AGBL1: variants seen among roughly 807,000 people sequenced by gnomAD.
AGBL1 encodes AGBL carboxypeptidase 1.
A neutral mutation model predicts 118.9 loss-of-function variants in AGBL1; 130 were observed. The observed-to-expected ratio is 1.09, with a 90% CI of 0.95 to 1.26. The LOEUF (loss-of-function observed/expected upper bound fraction) is 1.26, where lower values mean the gene tolerates loss of function less well. AGBL1 is among the 50% of genes most tolerant of loss of function. The pLI is 0.00. For missense variants in AGBL1, 1,584 were observed against 1,298.1 expected, an observed-to-expected ratio of 1.22 and a Z score of -3.38; for synonymous variants, 555 against 478.9, an observed-to-expected ratio of 1.16 and a Z score of -2.08.
chr15:86,617,401 G>C (rs916470962), intron 21 of AGBL1, among the ~76,000 whole-genome samples: 8 of 152,138 alleles, frequency 5.3e-5, no homozygotes, highest in African/African-American at 1.9e-4. Flanking sequence ...GAGAAATGAT[G>C]CCTCTGACTA....
chr15:86,090,632 C>T lies in AGBL1; in HGVS notation c.51+10609C>T, dbSNP rs118173370. 1.6e-3 allele frequency among the ~76,000 whole-genome samples: 238 copies of T among 152,208 alleles called. 2 individuals are homozygous for T. The highest frequency in any genetic ancestry group is 0.011 in the Admixed American group (174 of 15,294). On this transcript the variant is annotated intron_variant, in intron 1 of 22. Transcript: ENST00000614907. ...ACCATAATTTAAATAAATAGAAGTA[C>T]GTTTTCTTCTAGCATTTCACTTGGG...
intron 22 of AGBL1, among the ~76,000 whole-genome samples, chr15:86,758,979 A>G (rs943527103): frequency 1.4e-5 from 2 of 147,716 alleles, no homozygotes; most frequent in Non-Finnish European, 2.9e-5. Context: ...AAAAAAAAAA[A>G]AAAAAGAAAA....
chr15:86,620,496 G>C (rs1005638931), intron 21 of AGBL1, among the ~76,000 whole-genome samples: 1 of 152,084 alleles, frequency 6.6e-6, no homozygotes, highest in Non-Finnish European at 1.5e-5. Context: ...TTCCACACTT[G>C]TCTGCATGCT....
chr15:86,583,411 A>G (rs773770851), intron 21 of AGBL1, among the ~76,000 whole-genome samples: 2 of 151,970 alleles, frequency 1.3e-5, no homozygotes, highest in Non-Finnish European at 2.9e-5. Flanking sequence ...TTTAGTTCCC[A>G]CTTATAAGTG....
At chr15:86,144,308 C>A (rs574721058) in intron 3 of AGBL1, among the ~76,000 whole-genome samples, 1 of 152,094 alleles carries the variant, frequency 6.6e-6, no homozygotes, top group Non-Finnish European at 1.5e-5. Context: ...CCAGCAATCC[C>A]GTTACTGGGT....
intron 23 of AGBL1, among the ~76,000 whole-genome samples, chr15:86,952,071 A>T (rs541572092): frequency 2.6e-5 from 4 of 152,148 alleles, no homozygotes; most frequent in African/African-American, 9.6e-5. Context: ...TCTCTACTAA[A>T]AATACAAAAA....
chr15:86,610,040 C>G (rs1158232581), intron 21 of AGBL1, among the ~76,000 whole-genome samples: 1 of 152,324 alleles, frequency 6.6e-6, no homozygotes, highest in African/African-American at 2.4e-5. Context: ...ATGTCCCCCC[C>G]ATCTCCACCA....
chr15:86,840,626 G>T (rs1042814765), intron 22 of AGBL1, among the ~76,000 whole-genome samples: 1 of 151,936 alleles, frequency 6.6e-6, no homozygotes, highest in African/African-American at 2.4e-5. Flanking sequence ...TGTATTTTTA[G>T]TACAGACGGG....
intron 22 of AGBL1, among the ~76,000 whole-genome samples, chr15:86,731,674 T>C (rs573515617): frequency 1.7e-4 from 26 of 152,308 alleles, no homozygotes; most frequent in Admixed American, 9.1e-4. Flanking sequence ...AAGCTATCAT[T>C]TTCACCTAGA....
chr15:86,543,121 T>C (rs1279013605), intron 19 of AGBL1, among the ~76,000 whole-genome samples: 1 of 152,212 alleles, frequency 6.6e-6, no homozygotes, highest in East Asian at 1.9e-4. Flanking sequence ...CTTTTATTCA[T>C]TGAGCATTTT....
At chr15:86,179,439 TA>T (rs1220598207) in intron 5 of AGBL1, among the ~76,000 whole-genome samples, 2 of 152,148 alleles carry the variant, frequency 1.3e-5, no homozygotes, top group Admixed American at 1.3e-4. Flanking sequence ...ATTGATTATA[TA>T]AAAAATTAAG....
At chr15:86,791,047 G>T (rs1356684404) in intron 22 of AGBL1, among the ~76,000 whole-genome samples, 1 of 152,190 alleles carries the variant, frequency 6.6e-6, no homozygotes, top group Admixed American at 6.5e-5. Context: ...AGATAGCATT[G>T]GAAGATAGAT....
chr15:86,317,570 A>G (rs1008620835), intron 17 of AGBL1, among the ~76,000 whole-genome samples: 1 of 152,228 alleles, frequency 6.6e-6, no homozygotes, highest in Non-Finnish European at 1.5e-5. Flanking sequence ...TAAAACTTTG[A>G]GAGGCGAAAG....
chr15:86,340,206 A>G (rs2080440653), intron 17 of AGBL1, among the ~76,000 whole-genome samples: 1 of 151,890 alleles, frequency 6.6e-6, no homozygotes, highest in Admixed American at 6.6e-5. Context: ...GGAAACCTGT[A>G]TATTTTGAGC....
At chr15:86,757,895 G>A (rs1466504095) in intron 22 of AGBL1, among the ~76,000 whole-genome samples, 2 of 152,112 alleles carry the variant, frequency 1.3e-5, no homozygotes, top group African/African-American at 4.8e-5. Flanking sequence ...ATTTTAAAAT[G>A]TAAGACAAGT....
chr15:86,143,575 C>T, intron 2 of AGBL1, 124 bp from the exon 3 acceptor site: 1 of 1,242,612 alleles, frequency 8.0e-7, no homozygotes, highest in Non-Finnish European at 1.1e-6. Context: ...TCAAGAACTA[C>T]ATAATTTTAC....
At chr15:86,939,554 G>C (rs1038184365) in intron 23 of AGBL1, 1 of 152,216 alleles carries the variant, frequency 6.6e-6, no homozygotes, top group Admixed American at 6.5e-5. Flanking sequence ...CCTCGTGATC[G>C]TGTGGGTCAA....
At chr15:86,187,270 C>T (rs1376736687) in intron 5 of AGBL1, among the ~76,000 whole-genome samples, 1 of 152,138 alleles carries the variant, frequency 6.6e-6, no homozygotes, top group Non-Finnish European at 1.5e-5. Flanking sequence ...AGCGGAAGAT[C>T]CCTGCTTCCT....
chr15:86,229,169 C>A (rs572042796), intron 6 of AGBL1, among the ~76,000 whole-genome samples: 1 of 152,108 alleles, frequency 6.6e-6, no homozygotes, highest in East Asian at 1.9e-4. Context: ...TAAATCAAAA[C>A]AACATGTCCT....
Sources: allele counts gnomAD v4.1 joint callset (sites outside exome capture counted in the v4.1 genomes callset), GRCh38; gene constraint gnomAD v4.1.1; transcripts MANE v1.5; gene names NCBI Gene and HGNC (gene_info 2026-07-23, HGNC 2026-07-21).